LCOR: variants seen among roughly 807,000 people sequenced by gnomAD.
LCOR encodes ligand-dependent corepressor.
LCOR carries 14 observed loss-of-function variants against 64.4 expected under a neutral mutation model. The ratio of observed to expected loss-of-function variants is 0.22; its 90% CI spans 0.14 to 0.34. The LOEUF (loss-of-function observed/expected upper bound fraction) is 0.34, where lower values mean the gene tolerates loss of function less well. Among genes scored for constraint, LCOR ranks in the 10% least tolerant of loss-of-function variants. LCOR has a pLI of 1.00. For synonymous variants in LCOR, 643 were observed against 642.5 expected (o/e 1.00, Z -0.01); for missense variants, 1,686 against 1,765.3 (o/e 0.96, Z 0.80).
intron 4 of LCOR, among the ~76,000 whole-genome samples, chr10:96,935,131 C>A (rs1361581023): frequency 8.0e-6 from 1 of 124,686 alleles, no homozygotes; most frequent in Non-Finnish European, 1.7e-5. Flanking sequence ...TATCTCCTGG[C>A]TATTTTACTT....
intron 2 of LCOR, among the ~76,000 whole-genome samples, chr10:96,841,278 G>A (rs1030048923): frequency 1.4e-4 from 21 of 151,802 alleles, no homozygotes; most frequent in African/African-American, 4.8e-4. Context: ...ATAACAGAAA[G>A]CAGAAAGTAT....
At chr10:96,962,841 T>C (rs1331360545) in intron 7 of LCOR, 1 of 152,184 alleles carries the variant, frequency 6.6e-6, no homozygotes, top group Non-Finnish European at 1.5e-5. Context: ...CTGTCAGACA[T>C]TGGTATTTTA....
intron 4 of LCOR, among the ~76,000 whole-genome samples, chr10:96,938,670 C>T (rs1407948626): frequency 6.6e-6 from 1 of 151,954 alleles, no homozygotes; most frequent in African/African-American, 2.4e-5. Context: ...TAGAGTTTAA[C>T]AAGTTCAGCA....
intron 2 of LCOR, among the ~76,000 whole-genome samples, chr10:96,853,848 G>A (rs922087067): frequency 1.1e-4 from 16 of 152,120 alleles, no homozygotes; most frequent in African/African-American, 3.9e-4. Flanking sequence ...CATGGTAGAA[G>A]GTACCTCTTC....
chr10:96,967,061 T>TAAC (rs1847958639), intron 7 of LCOR, among the ~76,000 whole-genome samples: 1 of 152,244 alleles, frequency 6.6e-6, no homozygotes, highest in African/African-American at 2.4e-5. Context: ...TGTAGGCATG[T>TAAC]AAGAATACTA....
At chr10:96,849,061 CTTTTTTTTTTTTTTTTTTTT>C (rs67974828) in intron 2 of LCOR, among the ~76,000 whole-genome samples, 1 of 33,836 alleles carries the variant, frequency 3.0e-5, no homozygotes, top group East Asian at 1.5e-3. Context: ...GGCTAATTGT[CTTTTTTTTTTTTTTTTTTTT>C]TTTTTTTTTT....
intron 7 of LCOR, among the ~76,000 whole-genome samples, chr10:96,965,175 A>AT (rs1589687390): frequency 6.6e-6 from 1 of 150,744 alleles, no homozygotes; most frequent in Admixed American, 6.6e-5. Context: ...CGCCTGGCTA[A>AT]TTTTTTTGCA....
At chr10:96,954,191 G>T (rs538020130) in intron 7 of LCOR, among the ~76,000 whole-genome samples, 1 of 152,178 alleles carries the variant, frequency 6.6e-6, no homozygotes, top group South Asian at 2.1e-4. Flanking sequence ...TTTAAGCTTG[G>T]ATTATTTCAA....
chr10:96,875,779 T>C (rs1235249703), intron 2 of LCOR, among the ~76,000 whole-genome samples: 1 of 151,898 alleles, frequency 6.6e-6, no homozygotes, highest in Non-Finnish European at 1.5e-5. Context: ...GGAGAATTGC[T>C]TGAGCACAGG....
rs192475611 is a variant in LCOR, at chr10:96,951,201, T to G, written c.239-902T>G. On this transcript the variant is annotated intron_variant, in intron 6 of 7. Coordinates refer to ENST00000421806, the MANE Select transcript of LCOR (RefSeq NM_001346516.2). The stretch of plus-strand genomic sequence containing the variant: ...GGACAGAGTGGTAGCTTTAAAAGAC[T>G]TCTTTTCCAGGTATTTCAACAAGGA... Among the ~76,000 whole-genome samples the G allele has an allele frequency of 4.6e-3, 700 of 152,280 alleles. 3 individuals carry two copies. The highest frequency in any genetic ancestry group is 5.9e-3 in the Non-Finnish European group (403 of 67,974).
intron 2 of LCOR, among the ~76,000 whole-genome samples, chr10:96,884,692 C>T (rs185524980): frequency 2.0e-4 from 31 of 152,238 alleles, no homozygotes; most frequent in Non-Finnish European, 4.0e-4. Flanking sequence ...ACAAGCTGCC[C>T]GATGCTGATA....
At chr10:96,900,677 T>G (rs1764562038) in intron 2 of LCOR, among the ~76,000 whole-genome samples, 1 of 152,108 alleles carries the variant, frequency 6.6e-6, no homozygotes, top group Non-Finnish European at 1.5e-5. Flanking sequence ...CTTTTCCCTT[T>G]TCAGGAGATC....
intron 2 of LCOR, among the ~76,000 whole-genome samples, chr10:96,887,196 A>G (rs1367070556): frequency 1.3e-5 from 2 of 152,202 alleles, no homozygotes; most frequent in Non-Finnish European, 2.9e-5. Context: ...TTTATAGTAG[A>G]TATTATAGTC....
At chr10:96,845,451 T>TC (rs1845612283) in intron 2 of LCOR, among the ~76,000 whole-genome samples, 1 of 42,588 alleles carries the variant, frequency 2.3e-5, no homozygotes, top group Non-Finnish European at 4.4e-5. Flanking sequence ...GGCTTATCCT[T>TC]TTTTTTTTTT....
chr10:96,936,657 T>A (rs1847355690), intron 4 of LCOR, among the ~76,000 whole-genome samples: 1 of 152,192 alleles, frequency 6.6e-6, no homozygotes, highest in African/African-American at 2.4e-5. Context: ...CCAATACTGA[T>A]GTAAGGCGAA....
In LCOR at chr10:96,874,499, A is replaced by G. The variant is rs56211228; in HGVS notation, c.-329-32766A>G. Among the ~76,000 whole-genome samples, 534 of 152,274 alleles carry G rather than the reference A, an allele frequency of 3.5e-3. 1 individual carries two copies. Among genetic ancestry groups the G allele is most frequent in the Non-Finnish European group, 6.0e-3 (409 of 68,034 alleles). The stretch of plus-strand genomic sequence containing the variant: ...ATCAGCATAATAATAGCTAACATTT[A>G]TGTAGTATTTTTTATGCCAGTAACT... On this transcript the variant is annotated intron_variant, in intron 2 of 7. Coordinates refer to ENST00000421806, the MANE Select transcript of LCOR (RefSeq NM_001346516.2).
intron 2 of LCOR, among the ~76,000 whole-genome samples, chr10:96,842,793 A>G (rs541995217): frequency 5.9e-5 from 9 of 151,442 alleles, no homozygotes; most frequent in Admixed American, 2.6e-4. Flanking sequence ...ACCACAGCCC[A>G]CTAGTTCTTG....
At position 96,990,150 on chromosome 10, in the gene LCOR, T is replaced by C. The variant is rs1347135011; in HGVS notation, c.*5016T>C. 1 of 152,178 alleles carries C rather than the reference T, an allele frequency of 6.6e-6. No homozygotes were observed. The highest frequency in any genetic ancestry group is 2.4e-5 in the African/African-American group (1 of 41,446). 9.4% of individuals were successfully genotyped at this position (152,178 alleles called of 1,614,324 possible). A position where few individuals can be genotyped will look rare whatever the true frequency, so the allele number is the denominator to read the frequency against. On this transcript the variant is annotated 3_prime_UTR_variant, in exon 8 of 8. Coordinates refer to ENST00000421806, the MANE Select transcript of LCOR (RefSeq NM_001346516.2). ...ATTATTGTATTTAAAACGAGCAGAA[T>C]TGTGGGAGGGCCTTCCCCTCCCCCT...
At chr10:96,842,400 A>G (rs571146980) in intron 2 of LCOR, among the ~76,000 whole-genome samples, 31 of 152,186 alleles carry the variant, frequency 2.0e-4, no homozygotes, top group East Asian at 5.8e-4. Flanking sequence ...CTCAAAATAC[A>G]TACATACATA....
Sources: allele counts gnomAD v4.1 joint callset (sites outside exome capture counted in the v4.1 genomes callset), GRCh38; gene constraint gnomAD v4.1.1; transcripts MANE v1.5; gene names NCBI Gene and HGNC (gene_info 2026-07-23, HGNC 2026-07-21).